PXDNL: variants seen among roughly 807,000 people sequenced by gnomAD.
PXDNL encodes probable oxidoreductase PXDNL.
A neutral mutation model predicts 150.8 loss-of-function variants in PXDNL; 145 were observed. The ratio of observed to expected loss-of-function variants is 0.96; its 90% confidence interval spans 0.84 to 1.10. PXDNL has a LOEUF of 1.10. PXDNL is among the 50% of genes least tolerant of loss of function. PXDNL has a pLI of 0.00. For missense variants in PXDNL, 2,087 were observed against 1,873.9 expected (o/e 1.11, Z -2.10); for synonymous variants, 757 against 725.7 (o/e 1.04, Z -0.69).
intron 8 of PXDNL, among the ~76,000 whole-genome samples, chr8:51,471,235 G>C (rs1017713508): frequency 1.3e-5 from 2 of 151,008 alleles, no homozygotes; most frequent in Non-Finnish European, 2.9e-5. Context: ...ATGAAAAAAA[G>C]CTCTTCATCA....
At chr8:51,627,535 C>T (rs1255550584) in intron 2 of PXDNL, among the ~76,000 whole-genome samples, 1 of 151,874 alleles carries the variant, frequency 6.6e-6, no homozygotes, top group Non-Finnish European at 1.5e-5. Context: ...AAAAAAATAC[C>T]ATGAGACGAG....
At chr8:51,578,389 G>T (rs769394629) in intron 3 of PXDNL, among the ~76,000 whole-genome samples, 1 of 151,814 alleles carries the variant, frequency 6.6e-6, no homozygotes, top group African/African-American at 2.4e-5. Flanking sequence ...GCAGTCACTT[G>T]AAAACAAAAT....
intron 3 of PXDNL, among the ~76,000 whole-genome samples, chr8:51,570,776 G>A (rs150286704): frequency 1.5e-3 from 232 of 151,932 alleles, no homozygotes; most frequent in Admixed American, 3.9e-3. Flanking sequence ...GGTCAAAGAA[G>A]TAGATATAAA....
At chr8:51,658,357 AAAAAG>A (rs1815197288) in intron 1 of PXDNL, among the ~76,000 whole-genome samples, 1 of 111,140 alleles carries the variant, frequency 9.0e-6, no homozygotes, top group Non-Finnish European at 1.7e-5. Flanking sequence ...AAAAAAAAAA[AAAAAG>A]AAAAGAAAAG....
At position 51,763,320 on chromosome 8, in the gene PXDNL, T is replaced by TA. The variant is rs58440027; in HGVS notation, c.164+45860dup. ...ACATGTACCCTAGAACTTAAAGTAT[T>TA]AAAAAAAAAAAAAAGAACCAAAATG... On this transcript the variant is annotated intron_variant, in intron 1 of 22. Coordinates refer to ENST00000356297, the MANE Select transcript of PXDNL (RefSeq NM_144651.5). Among the ~76,000 whole-genome samples, 681 of 141,666 alleles carry TA rather than the reference T, an allele frequency of 4.8e-3. 5 individuals carry two copies. Among genetic ancestry groups the TA allele is most frequent in the African/African-American group, 0.014 (543 of 38,774 alleles). The allele number at this position is 141,666 out of a possible 152,430, so 92.9% of individuals were successfully genotyped here. A position where few individuals can be genotyped will look rare whatever the true frequency, so the allele number is the denominator to read the frequency against.
intron 1 of PXDNL, among the ~76,000 whole-genome samples, chr8:51,778,223 G>C (rs552310110): frequency 1.2e-3 from 185 of 151,910 alleles, no homozygotes; most frequent in African/African-American, 4.3e-3. Flanking sequence ...AGCTTGCAGT[G>C]AGCCGAGATC....
At chr8:51,336,454 T>C (rs988118122) in intron 21 of PXDNL, among the ~76,000 whole-genome samples, 5 of 152,224 alleles carry the variant, frequency 3.3e-5, no homozygotes, top group African/African-American at 7.2e-5. Flanking sequence ...TGTCTCAGTA[T>C]AGTAAGTGAC....
At chr8:51,449,368 C>A (rs1809753097) in intron 10 of PXDNL, among the ~76,000 whole-genome samples, 1 of 152,176 alleles carries the variant, frequency 6.6e-6, no homozygotes, top group Non-Finnish European at 1.5e-5. Context: ...ATTTCTAAAT[C>A]TTACGGCAGC....
intron 12 of PXDNL, among the ~76,000 whole-genome samples, chr8:51,428,331 G>A (rs1487559569): frequency 6.6e-6 from 1 of 152,010 alleles, no homozygotes; most frequent in Non-Finnish European, 1.5e-5. Flanking sequence ...TTAAATCCCA[G>A]CAAGATTTTT....
intron 1 of PXDNL, among the ~76,000 whole-genome samples, chr8:51,771,885 C>T (rs547634055): frequency 6.6e-6 from 1 of 152,232 alleles, no homozygotes; most frequent in Middle Eastern, 3.4e-3. Flanking sequence ...GTTCCTCTGC[C>T]TCCCTCTCCT....
In PXDNL at chr8:51,711,417, C is replaced by T. The variant is rs1816494960; in HGVS notation, c.165-56657G>A. 2.0e-5 allele frequency among the ~76,000 whole-genome samples: 3 copies of T among 152,190 alleles called. No individual in the cohort carries two copies. The South Asian group carries it at 6.2e-4, about 32-fold the overall frequency. On this transcript the variant is annotated intron_variant, in intron 1 of 22. Coordinates refer to ENST00000356297, the MANE Select transcript of PXDNL (RefSeq NM_144651.5). ...CCTCCCTAAGTGTTGGGATTACAGG[C>T]ATGAGCCACCGGACCCAGCCGAAAT...
chr8:51,722,562 G>T (rs1816751245), intron 1 of PXDNL, among the ~76,000 whole-genome samples: 2 of 152,178 alleles, frequency 1.3e-5, no homozygotes, highest in African/African-American at 4.8e-5. Flanking sequence ...TTTATTGAGT[G>T]GTGAGGTGGC....
intron 19 of PXDNL, among the ~76,000 whole-genome samples, chr8:51,351,207 CAA>C (rs1806339946): frequency 6.6e-6 from 1 of 152,194 alleles, no homozygotes. Context: ...TGTATTCCCT[CAA>C]AATTCATATG....
intron 21 of PXDNL, among the ~76,000 whole-genome samples, chr8:51,336,824 A>G (rs1805842289): frequency 6.6e-6 from 1 of 151,782 alleles, no homozygotes; most frequent in South Asian, 2.1e-4. Flanking sequence ...ACTTCTTTCC[A>G]CCTCTACAGC....
chr8:51,615,357 T>C (rs1814109353), intron 2 of PXDNL, among the ~76,000 whole-genome samples: 1 of 152,088 alleles, frequency 6.6e-6, no homozygotes, highest in Non-Finnish European at 1.5e-5. Flanking sequence ...AAATAGACAA[T>C]ATTATCTATG....
At chr8:51,689,776 C>A (rs567468439) in intron 1 of PXDNL, among the ~76,000 whole-genome samples, 2 of 152,278 alleles carry the variant, frequency 1.3e-5, no homozygotes, top group South Asian at 4.1e-4. Context: ...TCTAAGAAAA[C>A]AGGATTTAGC....
chr8:51,639,806 C>A (rs1814701512), intron 2 of PXDNL, among the ~76,000 whole-genome samples: 1 of 152,112 alleles, frequency 6.6e-6, no homozygotes, highest in African/African-American at 2.4e-5. Context: ...CCTTCTGAAA[C>A]TATTCCAATC....
intron 4 of PXDNL, among the ~76,000 whole-genome samples, chr8:51,515,642 C>T (rs1056202371): frequency 6.6e-6 from 1 of 152,212 alleles, no homozygotes; most frequent in Admixed American, 6.5e-5. Flanking sequence ...CAGCCTCCTC[C>T]CACAGGGGAG....
At chr8:51,673,202 T>C (rs979085602) in intron 1 of PXDNL, among the ~76,000 whole-genome samples, 1 of 152,148 alleles carries the variant, frequency 6.6e-6, no homozygotes, top group East Asian at 1.9e-4. Context: ...TGTGGGGAAA[T>C]GTTCACAACA....
Sources: allele counts gnomAD v4.1 joint callset (sites outside exome capture counted in the v4.1 genomes callset), GRCh38; gene constraint gnomAD v4.1.1; transcripts MANE v1.5; gene names NCBI Gene and HGNC (gene_info 2026-07-23, HGNC 2026-07-21).